The following KCND2 variants were observed in gnomAD, a reference collection of about 807,000 sequenced individuals.
KCND2 encodes A-type voltage-gated potassium channel KCND2.
A neutral mutation model predicts 54.4 loss-of-function variants in KCND2; 16 were observed. The observed-to-expected ratio is 0.29, with a 90% CI of 0.20 to 0.45. The LOEUF (loss-of-function observed/expected upper bound fraction) is 0.45, where lower values mean the gene tolerates loss of function less well. KCND2 is among the 20% of genes least tolerant of loss of function. The pLI, the probability that KCND2 is intolerant of heterozygous loss-of-function variation, is 1.00. For synonymous variants in KCND2, 317 were observed against 310.7 expected (o/e 1.02, Z -0.21); for missense variants, 486 against 824.2 (o/e 0.59, Z 5.02).
chr7:120,744,034 C>T (rs893556994), intron 4 of KCND2, among the ~76,000 whole-genome samples: 9 of 152,150 alleles, frequency 5.9e-5, no homozygotes, highest in South Asian at 2.1e-4. Flanking sequence ...CCAAGGTGGG[C>T]GGGTCAACTG....
At chr7:120,575,724 A>G (rs1011412657) in intron 1 of KCND2, among the ~76,000 whole-genome samples, 3 of 152,180 alleles carry the variant, frequency 2.0e-5, no homozygotes, top group Non-Finnish European at 4.4e-5. Context: ...TTGGGTGCTT[A>G]AATCAAACGA....
intron 1 of KCND2, among the ~76,000 whole-genome samples, chr7:120,531,288 A>T (rs941495853): frequency 2.6e-5 from 4 of 152,130 alleles, no homozygotes; most frequent in Non-Finnish European, 4.4e-5. Context: ...TTCAATTATA[A>T]GTTTATAATT....
chr7:120,377,329 A>G (rs1393680365), intron 1 of KCND2, among the ~76,000 whole-genome samples: 1 of 151,978 alleles, frequency 6.6e-6, no homozygotes, highest in Non-Finnish European at 1.5e-5. Context: ...TGTGTGAAAA[A>G]TACATCCAGA....
chr7:120,602,152 A>G (rs752944220), intron 1 of KCND2, among the ~76,000 whole-genome samples: 4 of 152,206 alleles, frequency 2.6e-5, no homozygotes, highest in Non-Finnish European at 4.4e-5. Flanking sequence ...AAGTCATGTA[A>G]ATAGCATTAA....
intron 1 of KCND2, among the ~76,000 whole-genome samples, chr7:120,443,050 T>C (rs988183318): frequency 6.6e-6 from 1 of 152,104 alleles, no homozygotes; most frequent in Non-Finnish European, 1.5e-5. Flanking sequence ...CAAGTGTTTC[T>C]GGGCTGGTGC....
At chr7:120,504,398 A>G (rs1802984269) in intron 1 of KCND2, among the ~76,000 whole-genome samples, 1 of 151,984 alleles carries the variant, frequency 6.6e-6, no homozygotes, top group Non-Finnish European at 1.5e-5. Context: ...CCTTAAAATT[A>G]TAAACTCAAG....
chr7:120,582,765 T>C (rs982101637), intron 1 of KCND2, among the ~76,000 whole-genome samples: 19 of 152,342 alleles, frequency 1.2e-4, no homozygotes, highest in African/African-American at 4.1e-4. Flanking sequence ...GTTTTTGTTT[T>C]ATCCTTGGGC....
intron 1 of KCND2, among the ~76,000 whole-genome samples, chr7:120,394,432 G>A (rs995638380): frequency 1.4e-4 from 21 of 151,936 alleles, no homozygotes; most frequent in Middle Eastern, 3.2e-3. Flanking sequence ...CTATAATAGT[G>A]ATGTTACCTA....
At chr7:120,466,395 C>T (rs955739255) in intron 1 of KCND2, among the ~76,000 whole-genome samples, 2 of 152,048 alleles carry the variant, frequency 1.3e-5, no homozygotes, top group Admixed American at 6.6e-5. Flanking sequence ...GGTTGGCAGC[C>T]AGTGATAGCA....
intron 1 of KCND2, among the ~76,000 whole-genome samples, chr7:120,389,750 G>T (rs1462859751): frequency 6.6e-6 from 1 of 151,798 alleles, no homozygotes; most frequent in African/African-American, 2.4e-5. Context: ...ATAATTTTCA[G>T]CAAAAGAAGT....
At chr7:120,379,998 C>T (rs189063318) in intron 1 of KCND2, among the ~76,000 whole-genome samples, 171 of 152,128 alleles carry the variant, frequency 1.1e-3, no homozygotes, top group Middle Eastern at 3.4e-3. Flanking sequence ...GTATAACCTA[C>T]GCTATCCTGA....
intron 1 of KCND2, among the ~76,000 whole-genome samples, chr7:120,449,514 G>A (rs1347765248): frequency 1.3e-5 from 2 of 152,032 alleles, no homozygotes; most frequent in Admixed American, 1.3e-4. Context: ...ATTTGTGTTT[G>A]TTTTCATAAA....
intron 1 of KCND2, among the ~76,000 whole-genome samples, chr7:120,339,125 T>C (rs1800199964): frequency 6.6e-6 from 1 of 151,092 alleles, no homozygotes; most frequent in Non-Finnish European, 1.5e-5. Context: ...CAATCTGACC[T>C]CGTGATCCGC....
At chr7:120,725,595 GTT>G (rs1792723513) in intron 1 of KCND2, among the ~76,000 whole-genome samples, 1 of 152,116 alleles carries the variant, frequency 6.6e-6, no homozygotes, top group African/African-American at 2.4e-5. Flanking sequence ...CAAAGACCTG[GTT>G]TGTTTCCAAA....
intron 1 of KCND2, among the ~76,000 whole-genome samples, chr7:120,387,269 G>GT (rs1311214050): frequency 6.6e-6 from 1 of 151,950 alleles, no homozygotes; most frequent in African/African-American, 2.4e-5. Flanking sequence ...TAGTTATGAG[G>GT]TTTTCCAAAT....
At chr7:120,700,917 A>G (rs993088521) in intron 1 of KCND2, among the ~76,000 whole-genome samples, 4 of 152,310 alleles carry the variant, frequency 2.6e-5, no homozygotes, top group African/African-American at 4.8e-5. Context: ...TGACTCTTAC[A>G]TAAAGGGAAG....
At chr7:120,512,321 GTTTT>G (rs1318060301) in intron 1 of KCND2, among the ~76,000 whole-genome samples, 1 of 151,334 alleles carries the variant, frequency 6.6e-6, no homozygotes, top group Non-Finnish European at 1.5e-5. Context: ...TGTTTATTTT[GTTTT>G]AACTATTACA....
At chr7:120,351,266 A>ATATATATATATATC (rs1375713144) in intron 1 of KCND2, among the ~76,000 whole-genome samples, 3 of 145,304 alleles carry the variant, frequency 2.1e-5, no homozygotes, top group African/African-American at 5.1e-5. Context: ...ATATATATAT[A>ATATATATATATATC]TCCAGTATAT....
chr7:120,504,807 T>G (rs2116322099), intron 1 of KCND2, among the ~76,000 whole-genome samples: 1 of 151,862 alleles, frequency 6.6e-6, no homozygotes, highest in East Asian at 1.9e-4. Flanking sequence ...GCATTTTTTT[T>G]GTACCTGTGG....
Sources: gnomAD v4.1 joint callset for allele counts (sites outside exome capture counted in the v4.1 genomes callset) on GRCh38, gnomAD v4.1.1 for gene constraint, MANE v1.5 for transcripts, NCBI Gene and HGNC (gene_info 2026-07-23, HGNC 2026-07-21) for gene names.